The following PRDM4 variants were observed in gnomAD, a reference collection of about 807,000 sequenced individuals.
PRDM4 encodes PR domain zinc finger protein 4.
PRDM4 carries 38 observed loss-of-function variants against 62.3 expected under a neutral mutation model. The observed-to-expected ratio is 0.61, with a 90% CI of 0.47 to 0.80. The LOEUF is 0.80. Among genes scored for constraint, PRDM4 ranks in the 30% least tolerant of loss-of-function variants. The pLI is 0.00. For missense variants in PRDM4, 858 were observed against 997.1 expected, an observed-to-expected ratio of 0.86 and a Z score of 1.88; for synonymous variants, 339 against 348.2, an observed-to-expected ratio of 0.97 and a Z score of 0.30.
At chr12:107,739,278 A>C in intron 11 of PRDM4, 105 bp downstream of exon 11, 1 of 1,317,338 alleles carries the variant, frequency 7.6e-7, no homozygotes, top group Non-Finnish European at 1.0e-6. Context: ...CCAAGGCATG[A>C]AACAGATGAG....
chr12:107,744,527 T>C lies in PRDM4; in HGVS notation c.1395+16A>G. 1 of 1,600,310 alleles carries C rather than the reference T, an allele frequency of 6.2e-7. No homozygotes were observed. On this transcript the variant is annotated intron_variant, in intron 7 of 11. Coordinates refer to ENST00000228437, the MANE Select transcript of PRDM4 (RefSeq NM_012406.4). ...AAAACAGCCAAAAGCCACAGAAAAG[T>C]TTCATCAGGACTGACCTTCCAGATA...
chr12:107,759,854 CCTACACAGTTCTA>C (rs1380321315), intron 2 of PRDM4: 1 of 152,234 alleles, frequency 6.6e-6, no homozygotes, highest in Non-Finnish European at 1.5e-5. Flanking sequence ...AAAATAATTT[CCTACACAGTTCTA>C]CAGTTTATGT....
Position 107,738,430 on chromosome 12 carries a change from G to C in PRDM4, c.2093+953C>G, listed in dbSNP as rs1408628759. The C allele has an allele frequency of 3.9e-5, 6 of 152,212 alleles. No homozygotes were observed. The South Asian group carries it at 1.0e-3, about 26-fold the overall frequency. The allele number at this position is 152,212 out of a possible 1,614,324, so 9.4% of individuals were successfully genotyped here. On this transcript the variant is annotated intron_variant, in intron 11 of 11. Transcript: ENST00000228437. ...TGATAAGGAAGCAGACAGAAGAACT[G>C]GTATCAAAGCCAAGTGTTTATCCAA...
chr12:107,735,406 G>C (rs900845430), intron 11 of PRDM4, among the ~76,000 whole-genome samples: 5 of 152,012 alleles, frequency 3.3e-5, no homozygotes, highest in African/African-American at 1.2e-4. Context: ...AGTACATAAT[G>C]GTATCTCATT....
intron 4 of PRDM4, 142 bp downstream of exon 4, chr12:107,753,782 T>A: frequency 1.3e-6 from 1 of 762,706 alleles, no homozygotes. Context: ...TACATAAATA[T>A]AAACAAAGAT....
At chr12:107,744,467 C>T (rs1890623900) in intron 7 of PRDM4, 76 bp downstream of exon 7, 1 of 1,529,070 alleles carries the variant, frequency 6.5e-7, no homozygotes, top group South Asian at 1.2e-5. Flanking sequence ...CTGATTTTGA[C>T]TTTATCATAA....
chr12:107,750,104 T>G (rs1329989590), intron 5 of PRDM4, among the ~76,000 whole-genome samples: 1 of 152,176 alleles, frequency 6.6e-6, no homozygotes, highest in African/African-American at 2.4e-5. Flanking sequence ...ACCAATGCAC[T>G]TCACCCCATC....
At chr12:107,750,917 A>C (rs1425171097) in intron 5 of PRDM4, among the ~76,000 whole-genome samples, 1 of 152,214 alleles carries the variant, frequency 6.6e-6, no homozygotes, top group East Asian at 1.9e-4. Flanking sequence ...ACAGGGTCTC[A>C]CTTTGTTGCC....
At chr12:107,747,668 C>A (rs1890754829) in intron 5 of PRDM4, among the ~76,000 whole-genome samples, 1 of 152,178 alleles carries the variant, frequency 6.6e-6, no homozygotes, top group Non-Finnish European at 1.5e-5. Flanking sequence ...CTGCTCTATT[C>A]TTTACACTTT....
At position 107,753,932 on chromosome 12, in the gene PRDM4, A is replaced by G; in HGVS notation, c.323T>C (p.Ile108Thr). 2 of 1,612,942 alleles carry G rather than the reference A, an allele frequency of 1.2e-6. No homozygotes were observed. The highest frequency in any genetic ancestry group is 1.7e-6 in the Non-Finnish European group (2 of 1,179,690). The change falls in exon 4 of 12, where the codon ATT becomes ACT. Residue 108 changes from isoleucine to threonine, a missense_variant. This residue lies in a region of PRDM4 where 499 missense variants were observed against 546.7 expected (regional missense o/e 0.91). Coordinates refer to ENST00000228437, the MANE Select transcript of PRDM4 (RefSeq NM_012406.4). ...PHLESSYFRTILPGILSYLAD... is the reference protein window; with the variant it reads ...PHLESSYFRTTLPGILSYLAD... ...GTAACTGTAACACTTACCAGGTAGAATGGTTCTGAAATAACTGCTCTCCAG... is the reference window on the plus strand; with the variant it reads ...GTAACTGTAACACTTACCAGGTAGAGTGGTTCTGAAATAACTGCTCTCCAG...
intron 11 of PRDM4, among the ~76,000 whole-genome samples, chr12:107,737,666 T>C (rs1474133718): frequency 6.6e-6 from 1 of 152,198 alleles, no homozygotes; most frequent in East Asian, 1.9e-4. Context: ...ATGAAGTCAG[T>C]AGTCCTTAAC....
chr12:107,752,020 C>T lies in PRDM4; in HGVS notation c.521G>A (p.Gly174Asp). 1 of 1,614,140 alleles carries T rather than the reference C, an allele frequency of 6.2e-7. No individual in the cohort carries two copies. Among genetic ancestry groups the T allele is most frequent in the South Asian group, 1.1e-5 (1 of 91,074 alleles). The change falls in exon 5 of 12, where the codon GGT becomes GAT. Residue 174 changes from glycine to aspartate, a missense_variant. Transcript: ENST00000228437. The part of the protein sequence containing the change: ...SIDSRSVNTH[G>D]AQSLHPSDGH... ...ATCACTGGGATGAAGACTTTGGGCA[C>T]CATGTGTGTTCACAGAGCGAGAGTC...
At chr12:107,738,186 C>T (rs1449644037) in intron 11 of PRDM4, 2 of 152,152 alleles carry the variant, frequency 1.3e-5, no homozygotes, top group Non-Finnish European at 2.9e-5. Flanking sequence ...ATTATCACAA[C>T]CTGAGCTGCC....
intron 11 of PRDM4, chr12:107,736,498 G>A (rs1348017972): frequency 6.6e-6 from 1 of 152,314 alleles, no homozygotes; most frequent in Non-Finnish European, 1.5e-5. Context: ...AGTGGCCAAA[G>A]CAGAATATGA....
intron 3 of PRDM4, 133 bp downstream of exon 3, chr12:107,756,699 C>T: frequency 9.4e-7 from 1 of 1,061,038 alleles, no homozygotes; most frequent in South Asian, 1.8e-5. Context: ...ACATGTTGAA[C>T]CACCATTCAG....
At chr12:107,758,078 T>C (rs1891116948) in intron 2 of PRDM4, among the ~76,000 whole-genome samples, 3 of 152,110 alleles carry the variant, frequency 2.0e-5, no homozygotes, top group Admixed American at 6.5e-5. Flanking sequence ...ACATATTCCT[T>C]AGCAGTGAAA....
At chr12:107,740,851 A>C in intron 10 of PRDM4, 95 bp downstream of exon 10, 1 of 1,300,726 alleles carries the variant, frequency 7.7e-7, no homozygotes, top group Admixed American at 2.3e-5. Context: ...CTGACATCAA[A>C]TCTCAACTCC....
At chr12:107,746,169 G>A (rs1192316272) in intron 6 of PRDM4, 106 bp downstream of exon 6, 14 of 1,345,102 alleles carry the variant, frequency 1.0e-5, no homozygotes, top group Admixed American at 2.3e-5. Context: ...GCCATAAATT[G>A]ACTTTTGGTC....
At chr12:107,756,723 C>A in intron 3 of PRDM4, 109 bp downstream of exon 3, 1 of 1,325,854 alleles carries the variant, frequency 7.5e-7, no homozygotes. Flanking sequence ...TGCTTACCTT[C>A]TCCCTTCTAC....
Sources: gnomAD v4.1 joint callset for allele counts (sites outside exome capture counted in the v4.1 genomes callset) on GRCh38, gnomAD v4.1.1 for gene constraint, gnomAD v4.1.1 regional missense constraint, MANE v1.5 for transcripts, NCBI Gene and HGNC (gene_info 2026-07-23, HGNC 2026-07-21) for gene names.